NKAIN3: variants seen among roughly 807,000 people sequenced by gnomAD.
NKAIN3 encodes the protein sodium/potassium-transporting ATPase subunit beta-1-interacting protein 3.
A neutral mutation model predicts 30.2 loss-of-function variants in NKAIN3; 25 were observed. The observed-to-expected ratio is 0.83, with a 90% CI of 0.60 to 1.16. The LOEUF is 1.16. Among genes scored for constraint, NKAIN3 ranks in the 50% most tolerant of loss-of-function variants. NKAIN3 has a pLI of 0.00. For synonymous variants in NKAIN3, 91 were observed against 89.6 expected (o/e 1.02, Z -0.09); for missense variants, 225 against 254.1 (o/e 0.89, Z 0.78).
chr8:62,440,084 T>C (rs1002514579), intron 1 of NKAIN3, among the ~76,000 whole-genome samples: 1 of 152,328 alleles, frequency 6.6e-6, no homozygotes, highest in South Asian at 2.1e-4. Context: ...AAAGGTGCGT[T>C]TTATTTACTC....
Position 62,489,684 on chromosome 8 carries a change from G to A in NKAIN3, c.55-89855G>A, listed in dbSNP as rs139487642. Among the ~76,000 whole-genome samples, 591 of 152,320 alleles carry A rather than the reference G, an allele frequency of 3.9e-3. 5 individuals are homozygous for A. Among genetic ancestry groups the A allele is most frequent in the African/African-American group, 0.014 (571 of 41,578 alleles). On this transcript the variant is annotated intron_variant, in intron 1 of 6. Transcript: ENST00000623646. ...TTCTTCATTCCTAACAAGTATCAATGAGGAAATCAATAACCAAGTACTTAA... is the reference window on the plus strand; with the variant it reads ...TTCTTCATTCCTAACAAGTATCAATAAGGAAATCAATAACCAAGTACTTAA...
intron 3 of NKAIN3, among the ~76,000 whole-genome samples, chr8:62,708,844 T>C (rs1814624225): frequency 1.3e-5 from 2 of 152,210 alleles, no homozygotes; most frequent in African/African-American, 4.8e-5. Flanking sequence ...TTCAGTATTA[T>C]GTTGGCTGTG....
At chr8:62,484,808 G>C (rs1806845919) in intron 1 of NKAIN3, among the ~76,000 whole-genome samples, 1 of 152,116 alleles carries the variant, frequency 6.6e-6, no homozygotes, top group Non-Finnish European at 1.5e-5. Context: ...AGCACAAAGG[G>C]TCACATAGTG....
intron 1 of NKAIN3, among the ~76,000 whole-genome samples, chr8:62,472,496 C>T (rs1316096679): frequency 2.0e-5 from 3 of 152,140 alleles, no homozygotes; most frequent in Non-Finnish European, 4.4e-5. Context: ...CTTGGCACCT[C>T]AATAAAGGTT....
At chr8:62,472,599 C>A (rs1806386716) in intron 1 of NKAIN3, among the ~76,000 whole-genome samples, 1 of 152,160 alleles carries the variant, frequency 6.6e-6, no homozygotes, top group African/African-American at 2.4e-5. Flanking sequence ...CTGAAGTTAT[C>A]TCAAGCACTG....
intron 1 of NKAIN3, among the ~76,000 whole-genome samples, chr8:62,414,284 A>G (rs1429641756): frequency 1.3e-5 from 2 of 152,184 alleles, no homozygotes; most frequent in African/African-American, 4.8e-5. Context: ...GATTTTCTGT[A>G]TACTGTGTAA....
At chr8:62,645,588 C>T (rs960215080) in intron 3 of NKAIN3, among the ~76,000 whole-genome samples, 1 of 152,052 alleles carries the variant, frequency 6.6e-6, no homozygotes, top group Non-Finnish European at 1.5e-5. Flanking sequence ...TCAGATACAA[C>T]AGTGGATTGA....
At chr8:62,505,754 G>A (rs966834675) in intron 1 of NKAIN3, among the ~76,000 whole-genome samples, 2 of 152,024 alleles carry the variant, frequency 1.3e-5, no homozygotes, top group African/African-American at 4.8e-5. Context: ...TTGTCTGATG[G>A]CCTATATGTA....
chr8:62,849,397 C>A (rs1037958426), intron 4 of NKAIN3, among the ~76,000 whole-genome samples: 1 of 147,346 alleles, frequency 6.8e-6, no homozygotes, highest in African/African-American at 2.5e-5. Flanking sequence ...CTGATTCAGT[C>A]TTGGGAGGGC....
intron 1 of NKAIN3, among the ~76,000 whole-genome samples, chr8:62,425,702 T>C (rs79450105): frequency 0.088 from 13,341 of 151,340 alleles, 746 homozygotes; most frequent in African/African-American, 0.15. Context: ...TTAATTTGGC[T>C]AGAAAAATTA....
At chr8:62,836,485 A>G (rs1358443356) in intron 4 of NKAIN3, among the ~76,000 whole-genome samples, 1 of 152,112 alleles carries the variant, frequency 6.6e-6, no homozygotes, top group East Asian at 1.9e-4. Flanking sequence ...ACTAAATATA[A>G]TAGTACATTT....
chr8:62,919,183 G>A (rs532564926), intron 5 of NKAIN3, among the ~76,000 whole-genome samples: 1 of 146,146 alleles, frequency 6.8e-6, no homozygotes, highest in African/African-American at 2.5e-5. Context: ...ACACTTCTTG[G>A]CACAACTCTG....
intron 1 of NKAIN3, among the ~76,000 whole-genome samples, chr8:62,535,787 C>A (rs1808641830): frequency 6.6e-6 from 1 of 152,050 alleles, no homozygotes; most frequent in African/African-American, 2.4e-5. Context: ...AGCCTCATGA[C>A]TTCAGCATTC....
intron 3 of NKAIN3, among the ~76,000 whole-genome samples, chr8:62,604,165 G>C (rs1023990785): frequency 6.6e-6 from 1 of 152,098 alleles, no homozygotes; most frequent in Non-Finnish European, 1.5e-5. Flanking sequence ...CTAGAGTGAA[G>C]ATTGTCCAGA....
chr8:62,411,981 C>A (rs1804252408), intron 1 of NKAIN3, among the ~76,000 whole-genome samples: 1 of 151,964 alleles, frequency 6.6e-6, no homozygotes, highest in Non-Finnish European at 1.5e-5. Context: ...GCCATATTGC[C>A]CAAAACAATT....
chr8:62,864,243 G>C, intron 4 of NKAIN3: 1 of 813,998 alleles, frequency 1.2e-6, no homozygotes, highest in Non-Finnish European at 2.0e-6. Context: ...AGCAGGATTA[G>C]AGGAGGCGGC....
chr8:62,723,968 A>G (rs575772056), intron 3 of NKAIN3, among the ~76,000 whole-genome samples: 1 of 152,254 alleles, frequency 6.6e-6, no homozygotes, highest in East Asian at 1.9e-4. Context: ...CATTCCATCA[A>G]GGTGGTCCAG....
intron 1 of NKAIN3, among the ~76,000 whole-genome samples, chr8:62,321,466 A>G (rs377417286): frequency 6.6e-6 from 1 of 151,966 alleles, no homozygotes; most frequent in Admixed American, 6.6e-5. Flanking sequence ...TGGTTTATCT[A>G]CCTTTGGTCT....
chr8:62,768,398 A>T (rs952570101), intron 4 of NKAIN3, among the ~76,000 whole-genome samples: 1 of 152,190 alleles, frequency 6.6e-6, no homozygotes, highest in African/African-American at 2.4e-5. Context: ...TTTGGTAGCC[A>T]TAATCTTTCT....
Sources: allele counts gnomAD v4.1 joint callset (sites outside exome capture counted in the v4.1 genomes callset), GRCh38; gene constraint gnomAD v4.1.1; transcripts MANE v1.5; gene names NCBI Gene and HGNC (gene_info 2026-07-23, HGNC 2026-07-21).